Variants in CPNE5 observed in about 807,000 individuals in gnomAD.
CPNE5 encodes the protein copine-5.
In CPNE5, 42 loss-of-function variants were observed where a neutral mutation model predicts 81.1. The ratio of observed to expected loss-of-function variants is 0.52; its 90% confidence interval spans 0.40 to 0.67. The LOEUF (loss-of-function observed/expected upper bound fraction) is 0.67, where lower values mean the gene tolerates loss of function less well. CPNE5 is among the 30% of genes least tolerant of loss of function. The pLI is 0.00. For missense variants in CPNE5, 612 were observed against 815.5 expected (o/e 0.75, Z 3.04); for synonymous variants, 313 against 321.5 (o/e 0.97, Z 0.28).
intron 3 of CPNE5, among the ~76,000 whole-genome samples, chr6:36,814,884 T>C (rs774158203): frequency 1.4e-4 from 22 of 152,158 alleles, no homozygotes; most frequent in Non-Finnish European, 3.1e-4. Flanking sequence ...ACAGTGTCTA[T>C]GGCCAGGTGC....
Position 36,822,129 on chromosome 6 carries a change from G to T in CPNE5, c.168C>A (p.Asn56Lys). Residue 56 changes from asparagine to lysine, a missense_variant, in exon 3 of 21, where the codon AAC becomes AAA. By Grantham distance (94) the Asn-to-Lys change is moderately conservative. Coordinates refer to ENST00000244751, the MANE Select transcript of CPNE5 (RefSeq NM_020939.2). ...CTGCACCTACCTCCCGCCACTGCTT[G>T]TTCTCCATCCCTTGGGTATACATGA... is the stretch of plus-strand genomic sequence containing the variant. ...LCVMYTQGME[N>K]KQWREFGRTE... The T allele has an allele frequency of 6.5e-7, 1 of 1,539,854 alleles. No individual in the cohort carries two copies. Among genetic ancestry groups the T allele is most frequent in the East Asian group, 2.4e-5 (1 of 41,586 alleles).
In CPNE5 at chr6:36,742,290, G is replaced by A. The variant is rs141266501; in HGVS notation, c.1760C>T (p.Ser587Phe). The A allele has an allele frequency of 5.0e-6, 8 of 1,597,214 alleles. No homozygotes were observed. Among genetic ancestry groups the A allele is most frequent in the Admixed American group, 1.7e-5 (1 of 59,672 alleles). ...GGTTCAGATGTGCGTGTGCAGGGGG[G>A]ACGCAGGGGGCGTGCGGGCTGGGGA... is the stretch of plus-strand genomic sequence containing the variant. Reference protein sequence around the residue: ...SQSPARTPPASPLHTHI With the variant: ...SQSPARTPPAFPLHTHI Residue 587 changes from serine to phenylalanine, a missense_variant, in exon 21 of 21, where the codon TCC becomes TTC. Physicochemically the swap from Ser to Phe is radical, Grantham distance 155 (BLOSUM62 -2). Transcript: ENST00000244751.
chr6:36,803,387 G>C (rs1445436306), intron 3 of CPNE5, among the ~76,000 whole-genome samples: 13 of 152,078 alleles, frequency 8.5e-5, no homozygotes, highest in Admixed American at 8.5e-4. Flanking sequence ...CACTTACTCT[G>C]CGGCCTGATA....
intron 7 of CPNE5, chr6:36,792,587 C>A: frequency 4.6e-6 from 2 of 434,118 alleles, no homozygotes; most frequent in Non-Finnish European, 9.2e-6. Context: ...CCCTCGCTGG[C>A]AGCTTGCCCA....
intron 3 of CPNE5, among the ~76,000 whole-genome samples, chr6:36,815,081 C>G (rs1455782635): frequency 6.6e-6 from 1 of 151,690 alleles, no homozygotes; most frequent in Non-Finnish European, 1.5e-5. Context: ...TCACTTGAAC[C>G]CGGGAGGTGG....
intron 19 of CPNE5, among the ~76,000 whole-genome samples, chr6:36,744,005 A>G (rs1313861402): frequency 6.6e-6 from 1 of 152,170 alleles, no homozygotes; most frequent in Non-Finnish European, 1.5e-5. Context: ...GCTGGAGGAG[A>G]AAGAAGTGAC....
rs541562730 is a variant in CPNE5, at chr6:36,799,334, T to C, written c.287+633A>G. On this transcript the variant is annotated intron_variant, in intron 4 of 20. Transcript: ENST00000244751. ...TTCCTTCCACTGCATTCTTTCCTTT[T>C]CTCCCTAAGATCCCAAACCCCCTTC... is the stretch of plus-strand genomic sequence containing the variant. Among the ~76,000 whole-genome samples, 3 of 152,204 alleles carry C rather than the reference T, an allele frequency of 2.0e-5. No homozygotes were observed. In the East Asian group the frequency reaches 5.8e-4, roughly 29 times the overall value.
intron 3 of CPNE5, among the ~76,000 whole-genome samples, chr6:36,805,391 C>T (rs1691584153): frequency 1.3e-5 from 2 of 152,262 alleles, no homozygotes; most frequent in Admixed American, 1.3e-4. Context: ...CTGAGCTCCT[C>T]TGTCCACACT....
chr6:36,784,290 C>T (rs1023453352), intron 8 of CPNE5, among the ~76,000 whole-genome samples: 6 of 152,268 alleles, frequency 3.9e-5, no homozygotes, highest in African/African-American at 4.8e-5. Context: ...TTGTAGACTC[C>T]GTGGGGGATA....
chr6:36,788,237 C>G (rs372210383), intron 8 of CPNE5, among the ~76,000 whole-genome samples: 5 of 151,064 alleles, frequency 3.3e-5, no homozygotes, highest in Non-Finnish European at 7.4e-5. Context: ...GGGGGGGGGT[C>G]TCACTATGAT....
At chr6:36,819,536 G>A (rs898898514) in intron 3 of CPNE5, among the ~76,000 whole-genome samples, 7 of 152,290 alleles carry the variant, frequency 4.6e-5, no homozygotes, top group Admixed American at 2.6e-4. Context: ...AGACAGTTCC[G>A]GCCAGTCCAC....
At chr6:36,813,551 C>A (rs1771287666) in intron 3 of CPNE5, among the ~76,000 whole-genome samples, 1 of 152,120 alleles carries the variant, frequency 6.6e-6, no homozygotes, top group South Asian at 2.1e-4. Context: ...AAATAAAACC[C>A]TCAAGTAGCT....
At chr6:36,782,568 G>A (rs1280995899) in intron 8 of CPNE5, among the ~76,000 whole-genome samples, 1 of 152,066 alleles carries the variant, frequency 6.6e-6, no homozygotes, top group Non-Finnish European at 1.5e-5. Flanking sequence ...ACTCTGGGGG[G>A]CCGAGGTGGT....
rs558155917 is a variant in CPNE5 at position 36,784,727 on chromosome 6, A to G, written c.529-5770T>C. On this transcript the variant is annotated intron_variant, in intron 8 of 20. Coordinates refer to ENST00000244751, the MANE Select transcript of CPNE5 (RefSeq NM_020939.2). The stretch of plus-strand genomic sequence containing the variant: ...GAGGCCGAAGTAGGAGGATCGCCTG[A>G]GCCCGGGATTTCGAGACCAGCCTGG... 9.2e-5 allele frequency among the ~76,000 whole-genome samples: 14 copies of G among 152,254 alleles called. No individual in the cohort carries two copies. The South Asian group carries it at 2.1e-3, about 23-fold the overall frequency.
intron 2 of CPNE5, among the ~76,000 whole-genome samples, chr6:36,822,582 G>A (rs1333739775): frequency 1.3e-5 from 2 of 152,226 alleles, no homozygotes; most frequent in African/African-American, 2.4e-5. Flanking sequence ...TCAGAAATCC[G>A]CATTGCTCCT....
At chr6:36,770,402 G>C (rs896743130) in intron 10 of CPNE5, among the ~76,000 whole-genome samples, 1 of 152,128 alleles carries the variant, frequency 6.6e-6, no homozygotes. Flanking sequence ...ATAAGATAAC[G>C]CATTTAAACC....
chr6:36,832,319 ATT>A (rs1773043425), intron 1 of CPNE5, among the ~76,000 whole-genome samples: 1 of 152,100 alleles, frequency 6.6e-6, no homozygotes, highest in South Asian at 2.1e-4. Context: ...CAGAATCCAC[ATT>A]GTTTAGATCT....
At chr6:36,748,484 T>C (rs975602668) in intron 14 of CPNE5, among the ~76,000 whole-genome samples, 3 of 152,108 alleles carry the variant, frequency 2.0e-5, no homozygotes, top group Non-Finnish European at 4.4e-5. Flanking sequence ...AGTTATGCAG[T>C]AGGAAAGCTC....
At chr6:36,772,600 C>T (rs915075290) in intron 10 of CPNE5, among the ~76,000 whole-genome samples, 3 of 152,204 alleles carry the variant, frequency 2.0e-5, no homozygotes, top group Non-Finnish European at 2.9e-5. Context: ...CAGCTAGAGG[C>T]GCCACGCTGG....
Sources: gnomAD v4.1 joint callset for allele counts (sites outside exome capture counted in the v4.1 genomes callset) on GRCh38, gnomAD v4.1.1 for gene constraint, MANE v1.5 for transcripts, NCBI Gene and HGNC (gene_info 2026-07-23, HGNC 2026-07-21) for gene names.